The following ELF1 variants were observed in gnomAD, a reference collection of about 807,000 sequenced individuals.
The protein encoded by ELF1 is ETS-related transcription factor Elf-1.
ELF1 carries 24 observed loss-of-function variants against 59.9 expected under a neutral mutation model. The ratio of observed to expected loss-of-function variants is 0.40; its 90% CI spans 0.29 to 0.56. ELF1 has a LOEUF of 0.56. Among genes scored for constraint, ELF1 ranks in the 20% least tolerant of loss-of-function variants. The pLI is 0.44. For synonymous variants in ELF1, 248 were observed against 266.2 expected (o/e 0.93, Z 0.67); for missense variants, 627 against 742.2 (o/e 0.84, Z 1.80).
rs150378221 is a variant in ELF1, at chr13:40,988,121, A to G, written c.-228-5839T>C. 2.8e-3 allele frequency among the ~76,000 whole-genome samples: 419 copies of G among 152,302 alleles called. 7 individuals are homozygous for G. The East Asian group carries it at 0.052, about 19-fold the overall frequency. On this transcript the variant is annotated intron_variant, in intron 1 of 8. Transcript: ENST00000239882. The stretch of plus-strand genomic sequence containing the variant: ...CTATTATAACATGGTAGAAGGCTCT[A>G]TATTAGCTCCCAGCAGAAATGAAGT...
chr13:41,035,727 G>GAAAAAAAAAAAAAA (rs11366083), intron 1 of ELF1, among the ~76,000 whole-genome samples: 2 of 100,062 alleles, frequency 2.0e-5, no homozygotes, highest in Non-Finnish European at 4.1e-5. Context: ...AGAACAAAAA[G>GAAAAAAAAAAAAAA]AAAAAAAAAA....
chr13:40,986,401 C>T (rs1376330966), intron 1 of ELF1, among the ~76,000 whole-genome samples: 1 of 152,188 alleles, frequency 6.6e-6, no homozygotes, highest in East Asian at 1.9e-4. Flanking sequence ...ACATAACATG[C>T]ACTGAATTAA....
upstream of ELF1, among the ~76,000 whole-genome samples, chr13:41,022,707 C>A (rs558927415): frequency 4.6e-5 from 7 of 152,074 alleles, no homozygotes; most frequent in East Asian, 1.3e-3. Context: ...ATGGTGAAAC[C>A]GTCTCTACTA....
chr13:41,034,194 C>T (rs1296288904), intron 1 of ELF1, among the ~76,000 whole-genome samples: 15 of 151,960 alleles, frequency 9.9e-5, no homozygotes. Context: ...GGGTCAAGGT[C>T]AAAAAAGAGA....
At chr13:41,060,963 C>G (rs1877578090) in exon 1 of ELF1, 1 of 330,536 alleles carries the variant, frequency 3.0e-6, no homozygotes, top group Non-Finnish European at 6.0e-6. Context: ...TGCCCACACG[C>G]TCCCGAGCTA....
intron 1 of ELF1, among the ~76,000 whole-genome samples, chr13:41,057,371 C>T (rs1352028413): frequency 1.3e-5 from 2 of 151,504 alleles, no homozygotes; most frequent in African/African-American, 4.9e-5. Flanking sequence ...GTTATGTTGT[C>T]CAGGCTCTCT....
chr13:40,959,126 T>A, intron 2 of ELF1, 110 bp from the exon 3 acceptor site: 1 of 1,379,798 alleles, frequency 7.2e-7, no homozygotes, highest in Non-Finnish European at 9.5e-7. Context: ...AATTTTTAGA[T>A]CATCAGGCTG....
chr13:40,996,390 A>G (rs1874129323), intron 1 of ELF1, among the ~76,000 whole-genome samples: 1 of 152,268 alleles, frequency 6.6e-6, no homozygotes. Context: ...CATAATTGCC[A>G]AAACTTGTAA....
At chr13:40,960,896 A>T (rs1029412089) in intron 2 of ELF1, among the ~76,000 whole-genome samples, 5 of 152,162 alleles carry the variant, frequency 3.3e-5, no homozygotes, top group African/African-American at 1.2e-4. Context: ...TTTGAGATGG[A>T]GTCTTGCTTT....
chr13:41,042,988 T>C (rs563613790), intron 1 of ELF1, among the ~76,000 whole-genome samples: 13 of 152,334 alleles, frequency 8.5e-5, no homozygotes, highest in South Asian at 6.2e-4. Flanking sequence ...TTTTTAATGA[T>C]TGCCATTCTA....
At chr13:41,005,169 T>C (rs1474190585) in intron 1 of ELF1, among the ~76,000 whole-genome samples, 1 of 152,100 alleles carries the variant, frequency 6.6e-6, no homozygotes, top group East Asian at 1.9e-4. Flanking sequence ...AACATATAAA[T>C]GGTGAAGAGT....
chr13:41,036,149 C>G (rs1221810672), intron 1 of ELF1, among the ~76,000 whole-genome samples: 1 of 151,852 alleles, frequency 6.6e-6, no homozygotes, highest in Non-Finnish European at 1.5e-5. Context: ...AACTCCTGAT[C>G]CCGTGATCCA....
intron 3 of ELF1, among the ~76,000 whole-genome samples, chr13:40,957,892 T>C (rs1346376139): frequency 6.6e-6 from 1 of 152,200 alleles, no homozygotes. Context: ...ACTTCCTAAA[T>C]AGATCAGAAC....
At chr13:41,020,156 A>G (rs1165457250), upstream of ELF1, among the ~76,000 whole-genome samples, 1 of 152,228 alleles carries the variant, frequency 6.6e-6, no homozygotes, top group Non-Finnish European at 1.5e-5. Context: ...AGGCCAACCT[A>G]AGGGGACAAC....
At chr13:40,978,359 C>T (rs751837457) in intron 2 of ELF1, among the ~76,000 whole-genome samples, 11 of 148,676 alleles carry the variant, frequency 7.4e-5, no homozygotes, top group Non-Finnish European at 1.2e-4. Flanking sequence ...GCCTGGGTGA[C>T]GAGGCAAGAC....
At position 40,940,987 on chromosome 13, in the gene ELF1, T is replaced by G; in HGVS notation, c.1190A>C (p.Glu397Ala). The stretch of plus-strand genomic sequence containing the variant: ...GGTACTGGTTCTAGCTGCTTCTCCC[T>G]CTGGGACAGCCTGTACTGGCTGTAC... ...HVVQPVQAVP[E>A]GEAARTSTMQ... The change falls in exon 8 of 9, where the codon GAG becomes GCG. Residue 397 changes from glutamate (E) to alanine (A), a missense_variant. By Grantham distance (107) the Glu-to-Ala change is moderately radical (BLOSUM62 -1). Transcript: ENST00000239882. 6.2e-7 allele frequency: 1 copy of G among 1,614,232 alleles called. No individual in the cohort carries two copies.
chr13:40,960,056 T>C (rs1449215036), intron 2 of ELF1, among the ~76,000 whole-genome samples: 1 of 152,188 alleles, frequency 6.6e-6, no homozygotes, highest in Non-Finnish European at 1.5e-5. Context: ...TATTTATCAT[T>C]CTCTACCTAT....
chr13:40,944,167 T>C (rs181657222), intron 5 of ELF1, among the ~76,000 whole-genome samples: 108 of 152,292 alleles, frequency 7.1e-4, no homozygotes, highest in Middle Eastern at 6.8e-3. Flanking sequence ...GACACCTCAG[T>C]TTATATCTGT....
chr13:40,943,507 A>C (rs1166361495), intron 6 of ELF1, among the ~76,000 whole-genome samples: 1 of 152,188 alleles, frequency 6.6e-6, no homozygotes, highest in African/African-American at 2.4e-5. Flanking sequence ...GTTTTCTTCA[A>C]ATTTGGGCAA....
Sources: gnomAD v4.1 joint callset for allele counts (sites outside exome capture counted in the v4.1 genomes callset) on GRCh38, gnomAD v4.1.1 for gene constraint, MANE v1.5 for transcripts, NCBI Gene and HGNC (gene_info 2026-07-23, HGNC 2026-07-21) for gene names.